Variants in SLC4A9 observed in about 807,000 individuals in gnomAD.
SLC4A9 encodes solute carrier family 4 member 9.
Under a neutral mutation model 103.2 loss-of-function variants are expected in SLC4A9, and 102 were observed. The ratio of observed to expected loss-of-function variants is 0.99; its 90% confidence interval spans 0.84 to 1.17. The LOEUF (loss-of-function observed/expected upper bound fraction) is 1.17. Among genes scored for constraint, SLC4A9 ranks in the 50% most tolerant of loss-of-function variants. The probability of loss-of-function intolerance (pLI) is 0.00; values close to 1 mark genes in which losing one functional copy is unlikely to be tolerated. For synonymous variants in SLC4A9, 453 were observed against 483.6 expected, an observed-to-expected ratio of 0.94 and a Z score of 0.83; for missense variants, 1,091 against 1,193.7, an observed-to-expected ratio of 0.91 and a Z score of 1.27.
At position 140,373,001 on chromosome 5, in the gene SLC4A9, A is replaced by G. The variant is rs189753632; in HGVS notation, c.*45+158A>G. The stretch of plus-strand genomic sequence containing the variant: ...CTGGGGTGTAGAAGGGTCTCTTCCT[A>G]GCGAAGAGTAACTGGCAAGGGTGCC... On this transcript the variant is annotated intron_variant, in intron 21 of 21. Transcript: ENST00000506757. 1.8e-4 allele frequency among the ~76,000 whole-genome samples: 27 copies of G among 152,240 alleles called. 1 individual carries two copies. The East Asian group carries it at 5.0e-3, about 28-fold the overall frequency.
At chr5:140,369,592 A>T (rs560769836) in intron 17 of SLC4A9, among the ~76,000 whole-genome samples, 1 of 152,324 alleles carries the variant, frequency 6.6e-6, no homozygotes, top group East Asian at 1.9e-4. Context: ...ACAAGAGGTT[A>T]GGGAAGGGAA....
rs1249758597 is a variant in SLC4A9 at position 140,363,733 on chromosome 5, T to C, written c.1085T>C (p.Phe362Ser). The stretch of plus-strand genomic sequence containing the variant: ...TGACGACCCTCGGGCGGGAGGCTGT[T>C]TGGGGGCCTTATCCAGGACGTGCGC... ...SPELQRTGRL[F>S]GGLIQDVRRK... is the part of the protein sequence containing the mutation. The change falls in exon 9 of 22, where the codon TTT becomes TCT. Residue 362 changes from phenylalanine (F) to serine (S), a missense_variant. Transcript: ENST00000506757. This position sits in a 1 kb window ranked among gnomAD's most constrained non-coding sequence, Gnocchi z 4.5. 1.9e-6 allele frequency: 3 copies of C among 1,613,638 alleles called. No individual in the cohort carries two copies. Among genetic ancestry groups the C allele is most frequent in the South Asian group, 1.1e-5 (1 of 91,076 alleles).
rs1027514269 is a variant in SLC4A9, at chr5:140,367,902, A to G, written c.2354+4A>G. 4 of 1,613,524 alleles carry G rather than the reference A, an allele frequency of 2.5e-6. No individual in the cohort carries two copies. The highest frequency in any genetic ancestry group is 3.4e-6 in the Non-Finnish European group (4 of 1,179,708). The stretch of plus-strand genomic sequence containing the variant: ...GCCCCAACTTCCTGGGTATCAGGTG[A>G]GGGCGGTATTTAGGAAGTGGAGTAA... On this transcript the variant is annotated splice_donor_region_variant and intron_variant, in intron 16 of 21. Transcript: ENST00000506757.
chr5:140,370,681 C>CT (rs1768578454), intron 17 of SLC4A9, among the ~76,000 whole-genome samples: 1 of 151,986 alleles, frequency 6.6e-6, no homozygotes, highest in Admixed American at 6.6e-5. Flanking sequence ...ATGAGAAAGT[C>CT]TGGGGGAAGA....
In SLC4A9 at chr5:140,366,240, G is replaced by A. The variant is rs1338965746; in HGVS notation, c.1989G>A (p.Lys663=). Residue 663 remains lysine, a synonymous_variant, in exon 14 of 22, where the codon AAG becomes AAA. Transcript: ENST00000506757. The stretch of plus-strand genomic sequence containing the variant: ...CTTTCCTGGGCCTAGCCACACCAAA[G>A]CTCATGGTACCCAGAGAGTTCAAGG... ...LDAFLGLATP[K]LMVPREFKPT... The A allele has an allele frequency of 6.3e-7, 1 of 1,599,282 alleles. No homozygotes were observed. The highest frequency in any genetic ancestry group is 8.5e-7 in the Non-Finnish European group (1 of 1,172,416).
intron 13 of SLC4A9, 43 bp downstream of exon 13, chr5:140,366,065 G>T: frequency 6.2e-7 from 1 of 1,611,798 alleles, no homozygotes; most frequent in East Asian, 2.2e-5. Flanking sequence ...CTGACTCTAA[G>T]CTTTGGGTCC....
At position 140,361,315 on chromosome 5, in the gene SLC4A9, G is replaced by A. The variant is rs1363218650; in HGVS notation, c.453G>A (p.Leu151=). 1 of 1,569,656 alleles carries A rather than the reference G, an allele frequency of 6.4e-7. No homozygotes were observed. The highest frequency in any genetic ancestry group is 1.2e-5 in the South Asian group (1 of 85,010). Residue 151 remains leucine, a synonymous_variant, in exon 3 of 22, where the codon CTG becomes CTA. Transcript: ENST00000506757. ...PELRGQLQAL[L]LQRPQHYNQT... ...TGAGAGGGCAGTTGCAGGCCTTGCT[G>A]CTGCAGAGACCCCAGCATTACAACC... is the stretch of plus-strand genomic sequence containing the variant.
chr5:140,373,216 G>T (rs974202868), intron 21 of SLC4A9, among the ~76,000 whole-genome samples: 3 of 152,174 alleles, frequency 2.0e-5, no homozygotes, highest in Admixed American at 2.0e-4. Flanking sequence ...CCCCCCTTAG[G>T]CTGCTGAGAA....
In SLC4A9 at chr5:140,360,876, A is replaced by G. The variant is rs1454816935; in HGVS notation, c.295A>G (p.Thr99Ala). The G allele has an allele frequency of 4.3e-6, 7 of 1,610,984 alleles. No individual in the cohort carries two copies. Among genetic ancestry groups the G allele is most frequent in the Admixed American group, 1.7e-5 (1 of 59,770 alleles). The change falls in exon 2 of 22, where the codon ACC becomes GCC. Residue 99 changes from threonine to alanine, a missense_variant. Transcript: ENST00000506757. ...CCGGTGGAGTGCCCCCCACGTGCCC[A>G]CCCTGGCACTGCCCAGCCTCCAGAA... ...AGRWSAPHVP[T>A]LALPSLQKLR...
intron 21 of SLC4A9, among the ~76,000 whole-genome samples, chr5:140,373,703 C>G (rs1227908205): frequency 6.6e-6 from 1 of 152,152 alleles, no homozygotes; most frequent in East Asian, 1.9e-4. Flanking sequence ...TCTTTGAGCC[C>G]AGGACTTCAA....
At chr5:140,372,933 T>C (rs951660398) in intron 21 of SLC4A9, 90 bp downstream of exon 21, 2 of 733,432 alleles carry the variant, frequency 2.7e-6, no homozygotes, top group Non-Finnish European at 2.1e-6. Flanking sequence ...CCAGCCCTGT[T>C]TTCTCCTTAC....
chr5:140,373,584 A>G (rs1769050440), intron 21 of SLC4A9, among the ~76,000 whole-genome samples: 1 of 152,014 alleles, frequency 6.6e-6, no homozygotes, highest in African/African-American at 2.4e-5. Context: ...TCTAAGAGGA[A>G]ATGGTCCATA....
At position 140,365,901 on chromosome 5, in the gene SLC4A9, G is replaced by C; in HGVS notation, c.1778G>C (p.Arg593Pro). 6.2e-7 allele frequency: 1 copy of C among 1,613,966 alleles called. No individual in the cohort carries two copies. The change falls in exon 13 of 22, where the codon CGT (arginine) becomes CCT (proline). Residue 593 changes from arginine to proline, a missense_variant. Transcript: ENST00000506757. ...PECTRQGGHP[R>P]GPGCHTVPDI... is the part of the protein sequence containing the mutation. ...TGCACCCGGCAGGGAGGCCACCCTC[G>C]TGGCCCTGGCTGTCATACAGTCCCA... is the stretch of plus-strand genomic sequence containing the variant.
At position 140,365,050 on chromosome 5, in the gene SLC4A9, A is replaced by G. The variant is rs1767677162; in HGVS notation, c.1651+425A>G. On this transcript the variant is annotated intron_variant, in intron 11 of 21. Transcript: ENST00000506757. ...ATGCCCAGCTTCATTTCCTGAAATC[A>G]CCAATCAAATATATCACTGCTCTTC... Among the ~76,000 whole-genome samples the G allele has an allele frequency of 2.6e-5, 4 of 152,344 alleles. No individual in the cohort carries two copies. In the East Asian group the frequency reaches 5.8e-4, roughly 22 times the overall value.
intron 18 of SLC4A9, 65 bp from the exon 19 acceptor site, chr5:140,371,386 A>C: frequency 1.3e-6 from 2 of 1,587,214 alleles, no homozygotes; most frequent in South Asian, 1.1e-5. Context: ...TATGATAGCT[A>C]TCAGTGACAC....
Position 140,365,568 on chromosome 5 carries a change from T to C in SLC4A9, c.1700T>C (p.Ile567Thr). 1 of 1,612,158 alleles carries C rather than the reference T, an allele frequency of 6.2e-7. No homozygotes were observed. The highest frequency in any genetic ancestry group is 8.5e-7 in the Non-Finnish European group (1 of 1,179,142). Residue 567 changes from isoleucine (I) to threonine (T), a missense_variant, in exon 12 of 22, where the codon ATT (isoleucine) becomes ACT (threonine). Coordinates refer to ENST00000506757, the MANE Select transcript of SLC4A9 (RefSeq NM_031467.3). ...IRTRPKDRDD[I>T]VSMDLGLINA... ...ACAAGGCCAAAAGACAGAGACGACA[T>C]TGTAAGCATGGTGAGGGACTGCTCC...
At chr5:140,372,979 G>C in intron 21 of SLC4A9, 136 bp downstream of exon 21, 1 of 517,094 alleles carries the variant, frequency 1.9e-6, no homozygotes, top group South Asian at 3.4e-5. Flanking sequence ...GGGGGTGCTG[G>C]GGTGTAGAAG....
At chr5:140,372,511 G>A (rs141181391) in intron 20 of SLC4A9, 114 bp downstream of exon 20, 9 of 1,512,368 alleles carry the variant, frequency 6.0e-6, no homozygotes, top group Non-Finnish European at 7.9e-6. Flanking sequence ...CTGATCAACA[G>A]TCACTTCCCT....
intron 17 of SLC4A9, chr5:140,370,806 G>T (rs185768527): frequency 1.0e-4 from 42 of 413,114 alleles, no homozygotes; most frequent in Non-Finnish European, 1.6e-4. Context: ...AAGAACAGAA[G>T]GAAATGTGAT....
Sources: gnomAD v4.1 joint callset for allele counts (sites outside exome capture counted in the v4.1 genomes callset) on GRCh38, gnomAD v4.1.1 for gene constraint, Gnocchi (gnomAD v3.1) non-coding constraint, MANE v1.5 for transcripts, NCBI Gene and HGNC (gene_info 2026-07-23, HGNC 2026-07-21) for gene names.